Variants in PCDHGA10 observed in about 807,000 individuals in gnomAD.
PCDHGA10 encodes the protein protocadherin gamma subfamily A, 10.
PCDHGA10 carries 42 observed loss-of-function variants against 59.5 expected under a neutral mutation model. That is an observed-to-expected ratio of 0.71 (90% CI 0.55 to 0.91). The LOEUF is 0.91. PCDHGA10 is among the 40% of genes least tolerant of loss of function. PCDHGA10 has a pLI of 0.00. For missense variants in PCDHGA10, 1,111 were observed against 1,198.2 expected (o/e 0.93, Z 1.07); for synonymous variants, 511 against 517.2 (o/e 0.99, Z 0.16).
chr5:141,441,697 C>A (rs1415018255), intron 1 of PCDHGA10: 4 of 307,190 alleles, frequency 1.3e-5, no homozygotes, highest in Non-Finnish European at 1.3e-5. Flanking sequence ...CAGCCGCGAG[C>A]CTTCAAGCTC....
rs1363449 is a variant in PCDHGA10, at chr5:141,413,826, C to T, written c.651C>T (p.Thr217=). Residue 217 remains threonine, a synonymous_variant, in exon 1 of 4, where the codon ACC becomes ACT. Coordinates refer to ENST00000398610, the MANE Select transcript of PCDHGA10 (RefSeq NM_018913.3). ...AGGCCATTCACCACCTGGTCCTCAC[C>T]GCCTCCGACGGGGGTGACCCTCTCC... ...EEEAIHHLVL[T]ASDGGDPLRS... is the part of the protein sequence containing the mutation. 4,050 of 1,613,180 alleles carry T rather than the reference C, an allele frequency of 2.5e-3. 115 individuals are homozygous for T. In the African/African-American group the frequency reaches 0.047, roughly 19 times the overall value.
intron 1 of PCDHGA10, chr5:141,423,618 C>CT (rs1300844043): frequency 1.9e-6 from 3 of 1,608,282 alleles, no homozygotes; most frequent in Admixed American, 1.7e-5. Flanking sequence ...TAGCTGAAGA[C>CT]TCAGCTATCA....
At position 141,415,330 on chromosome 5, in the gene PCDHGA10, A is replaced by G. The variant is rs1326574664; in HGVS notation, c.2155A>G (p.Arg719Gly). Residue 719 changes from arginine (R) to glycine (G), a missense_variant, in exon 1 of 4, where the codon AGG becomes GGG. By Grantham distance (125) the Arg-to-Gly change is moderately radical. Coordinates refer to ENST00000398610, the MANE Select transcript of PCDHGA10 (RefSeq NM_018913.3). ...LAFVIVLLAHRLRRWHKSRLL... is the reference protein window; with the variant it reads ...LAFVIVLLAHGLRRWHKSRLL... ...CTTCGTCATCGTGCTGCTGGCGCAC[A>G]GGCTGCGGCGCTGGCACAAGTCACG... 1.2e-6 allele frequency: 2 copies of G among 1,614,094 alleles called. No homozygotes were observed. The highest frequency in any genetic ancestry group is 2.7e-5 in the African/African-American group (2 of 74,956).
rs201412037 is a variant in PCDHGA10, at chr5:141,421,093, A to G, written c.2436+5482A>G. The G allele has an allele frequency of 3.5e-5, 23 of 665,630 alleles. No homozygotes were observed. In the East Asian group the frequency reaches 6.2e-4, roughly 18 times the overall value. 41.2% of individuals were successfully genotyped at this position (665,630 alleles called of 1,614,324 possible). On this transcript the variant is annotated intron_variant, in intron 1 of 3. Coordinates refer to ENST00000398610, the MANE Select transcript of PCDHGA10 (RefSeq NM_018913.3). ...GAGATGGATACTCACAGATCCTGAC[A>G]CTGGAGACTTAGAAGTATTTTCCTT... is the stretch of plus-strand genomic sequence containing the variant.
At chr5:141,478,247 G>T in intron 1 of PCDHGA10, 1 of 1,614,076 alleles carries the variant, frequency 6.2e-7, no homozygotes, top group Non-Finnish European at 8.5e-7. Context: ...CACAGTGTTC[G>T]GAGTAATCAT....
At chr5:141,437,529 C>T (rs1205365959) in intron 1 of PCDHGA10, among the ~76,000 whole-genome samples, 1 of 152,102 alleles carries the variant, frequency 6.6e-6, no homozygotes, top group African/African-American at 2.4e-5. Flanking sequence ...GACAAATGAG[C>T]AAATTGTATC....
At chr5:141,436,071 A>G (rs1419598304) in intron 1 of PCDHGA10, among the ~76,000 whole-genome samples, 1 of 152,222 alleles carries the variant, frequency 6.6e-6, no homozygotes. Context: ...TAATAAGTAC[A>G]GTGTTCTATA....
At position 141,486,182 on chromosome 5, in the gene PCDHGA10, C is replaced by G. The variant is rs1288782056; in HGVS notation, c.2437-8625C>G. On this transcript the variant is annotated intron_variant, in intron 1 of 3. Transcript: ENST00000398610. This position sits in a 1 kb window ranked among gnomAD's most constrained non-coding sequence, Gnocchi z 5.0. ...AGCCATGGAGCAACATTGCAGCCTT[C>G]GAGTGGATCTGCTGGACGTAAATGA... 1 of 1,614,198 alleles carries G rather than the reference C, an allele frequency of 6.2e-7. No individual in the cohort carries two copies. Among genetic ancestry groups the G allele is most frequent in the Non-Finnish European group, 8.5e-7 (1 of 1,180,028 alleles).
intron 1 of PCDHGA10, among the ~76,000 whole-genome samples, chr5:141,455,519 G>T (rs1439363688): frequency 1.3e-5 from 2 of 152,158 alleles, no homozygotes; most frequent in East Asian, 3.9e-4. Flanking sequence ...TCAGGGGATT[G>T]GTTTGACCAG....
At chr5:141,497,142 C>T (rs1316569011) in intron 2 of PCDHGA10, among the ~76,000 whole-genome samples, 2 of 149,678 alleles carry the variant, frequency 1.3e-5, no homozygotes, top group South Asian at 2.1e-4. Context: ...GCTGAGATCA[C>T]GAAAAAAAAA....
chr5:141,462,198 G>C (rs2099034283), intron 1 of PCDHGA10, among the ~76,000 whole-genome samples: 1 of 152,182 alleles, frequency 6.6e-6, no homozygotes, highest in Non-Finnish European at 1.5e-5. Context: ...GACCTCAGGT[G>C]ATCCGCCTGC....
At chr5:141,456,647 C>G (rs773458307) in intron 1 of PCDHGA10, among the ~76,000 whole-genome samples, 2 of 152,152 alleles carry the variant, frequency 1.3e-5, no homozygotes, top group African/African-American at 4.8e-5. Context: ...AGGTGTTAAT[C>G]CCAAAGAAGC....
At chr5:141,473,102 C>T (rs1465515592) in intron 1 of PCDHGA10, among the ~76,000 whole-genome samples, 1 of 152,054 alleles carries the variant, frequency 6.6e-6, no homozygotes, top group Non-Finnish European at 1.5e-5. Flanking sequence ...AGTTGTATTA[C>T]CACACTTTAC....
At chr5:141,496,172 T>C (rs942740022) in intron 2 of PCDHGA10, among the ~76,000 whole-genome samples, 1 of 151,672 alleles carries the variant, frequency 6.6e-6, no homozygotes, top group Non-Finnish European at 1.5e-5. Context: ...CACCCTCCCA[T>C]CCAAGCAGCC....
Position 141,487,682 on chromosome 5 carries a change from G to A in PCDHGA10, c.2437-7125G>A, listed in dbSNP as rs757434520. On this transcript the variant is annotated intron_variant, in intron 1 of 3. Transcript: ENST00000398610. This position sits in a 1 kb window ranked among gnomAD's most constrained non-coding sequence, Gnocchi z 5.0. ...TGATCCAGGCATATGGCTAGGCCATGTCCTAGAGAGTACTGGCCTCTCAGT... is the reference window on the plus strand; with the variant it reads ...TGATCCAGGCATATGGCTAGGCCATATCCTAGAGAGTACTGGCCTCTCAGT... The A allele has an allele frequency of 1.2e-6, 2 of 1,607,256 alleles. No individual in the cohort carries two copies. Among genetic ancestry groups the A allele is most frequent in the East Asian group, 4.5e-5 (2 of 44,762 alleles).
At position 141,427,298 on chromosome 5, in the gene PCDHGA10, G is replaced by A. The variant is rs960474831; in HGVS notation, c.2436+11687G>A. The A allele has an allele frequency of 8.8e-6, 4 of 456,870 alleles. No individual in the cohort carries two copies. The Admixed American group carries it at 9.4e-5, about 11-fold the overall frequency. 28.3% of individuals were successfully genotyped at this position (456,870 alleles called of 1,614,324 possible). A position where few individuals can be genotyped will look rare whatever the true frequency, so the allele number is the denominator to read the frequency against. On this transcript the variant is annotated intron_variant, in intron 1 of 3. Coordinates refer to ENST00000398610, the MANE Select transcript of PCDHGA10 (RefSeq NM_018913.3). ...AAATTATACTAGAAATCCTAGATGA[G>A]AATGACAATGCCCCAGACGTGGTTT...
chr5:141,495,109 C>A (rs1445945970), intron 2 of PCDHGA10, among the ~76,000 whole-genome samples: 3 of 152,278 alleles, frequency 2.0e-5, no homozygotes, highest in South Asian at 2.1e-4. Context: ...CGACCGGCAC[C>A]TTTTCCTATC....
intron 1 of PCDHGA10, among the ~76,000 whole-genome samples, chr5:141,456,707 G>A (rs1198079338): frequency 6.6e-6 from 1 of 152,208 alleles, no homozygotes; most frequent in African/African-American, 2.4e-5. Context: ...GCTCGCGCCT[G>A]TAATCCCAGC....
In PCDHGA10 at chr5:141,487,227, G is replaced by A. The variant is rs763361726; in HGVS notation, c.2437-7580G>A. The A allele has an allele frequency of 6.2e-7, 1 of 1,614,070 alleles. No individual in the cohort carries two copies. Among genetic ancestry groups the A allele is most frequent in the Non-Finnish European group, 8.5e-7 (1 of 1,179,952 alleles). On this transcript the variant is annotated intron_variant, in intron 1 of 3. Transcript: ENST00000398610. The surrounding 1 kb of genome is among the most constrained non-coding windows in gnomAD (Gnocchi z 5.0). The stretch of plus-strand genomic sequence containing the variant: ...CGAGAATCTTCAGCTCCAAGGGAAG[G>A]AGAATCTCGTCTAACCCTCTACTTG...
Sources: gnomAD v4.1 joint callset for allele counts (sites outside exome capture counted in the v4.1 genomes callset) on GRCh38, gnomAD v4.1.1 for gene constraint, Gnocchi (gnomAD v3.1) non-coding constraint, MANE v1.5 for transcripts, NCBI Gene and HGNC (gene_info 2026-07-23, HGNC 2026-07-21) for gene names.